The following SDR16C5 variants were observed in gnomAD, a reference collection of about 807,000 sequenced individuals.
SDR16C5 encodes the protein epidermal retinol dehydrogenase 2.
In SDR16C5, 20 loss-of-function variants were observed where a neutral mutation model predicts 27.7. That is an observed-to-expected ratio of 0.72 (90% CI 0.51 to 1.05). The LOEUF is 1.05. SDR16C5 is among the 50% of genes least tolerant of loss of function. The pLI, the probability that SDR16C5 is intolerant of heterozygous loss-of-function variation, is 0.00. For missense variants in SDR16C5, 374 were observed against 366.3 expected, an observed-to-expected ratio of 1.02 and a Z score of -0.17; for synonymous variants, 139 against 132.3, an observed-to-expected ratio of 1.05 and a Z score of -0.35.
chr8:56,318,087 C>G (rs1003742403), intron 1 of SDR16C5, among the ~76,000 whole-genome samples: 8 of 152,130 alleles, frequency 5.3e-5, no homozygotes, highest in African/African-American at 1.9e-4. Context: ...GAAAGTGACC[C>G]TTTGAGTGGA....
chr8:56,309,837 C>G (rs1814978490), intron 3 of SDR16C5, among the ~76,000 whole-genome samples: 1 of 152,094 alleles, frequency 6.6e-6, no homozygotes, highest in Non-Finnish European at 1.5e-5. Context: ...AGTTGGGACA[C>G]TTCTCAGTAG....
chr8:56,301,442 C>CA lies in SDR16C5; in HGVS notation c.*37dup. Reference sequence around the variant, plus strand: ...CTTCATTGAAGTACGCATTATGTAACACTGTGTATCAGATGACCTTAGCCA... The same window carrying CA: ...CTTCATTGAAGTACGCATTATGTAACAACTGTGTATCAGATGACCTTAGCCA... On this transcript the variant is annotated 3_prime_UTR_variant, in exon 7 of 7. Transcript: ENST00000303749. 1 of 1,390,814 alleles carries CA rather than the reference C, an allele frequency of 7.2e-7. No individual in the cohort carries two copies. 86.2% of individuals were successfully genotyped at this position (1,390,814 alleles called of 1,614,324 possible). A position where few individuals can be genotyped will look rare whatever the true frequency, so the allele number is the denominator to read the frequency against.
At chr8:56,302,550 G>A (rs1031881352) in intron 6 of SDR16C5, among the ~76,000 whole-genome samples, 1 of 151,694 alleles carries the variant, frequency 6.6e-6, no homozygotes, top group East Asian at 1.9e-4. Flanking sequence ...GTGCACGCCT[G>A]TAATCCTAGC....
intron 2 of SDR16C5, among the ~76,000 whole-genome samples, chr8:56,313,353 A>G (rs1051232986): frequency 7.9e-5 from 12 of 152,240 alleles, no homozygotes. Flanking sequence ...ACAGTCATAA[A>G]TCACTTAACA....
chr8:56,313,841 C>A (rs1388035071), intron 2 of SDR16C5, among the ~76,000 whole-genome samples: 1 of 152,138 alleles, frequency 6.6e-6, no homozygotes, highest in Non-Finnish European at 1.5e-5. Flanking sequence ...GGAGACTCAG[C>A]AGAGACAAAA....
At chr8:56,301,714 G>C (rs1437283290) in intron 6 of SDR16C5, 141 bp from the exon 7 acceptor site, 4 of 625,196 alleles carry the variant, frequency 6.4e-6, no homozygotes, top group South Asian at 5.9e-5. Context: ...AGTGCTACCC[G>C]CCTCAGGGTC....
intron 3 of SDR16C5, chr8:56,309,393 C>A (rs1814967619): frequency 3.0e-6 from 3 of 985,392 alleles, no homozygotes; most frequent in Non-Finnish European, 3.6e-6. Flanking sequence ...CTTCTCTCTG[C>A]TTAGCTTGAT....
rs1294718503 is a variant in SDR16C5, at chr8:56,316,308, A to T, written c.40T>A (p.Phe14Ile). 6 of 1,614,006 alleles carry T rather than the reference A, an allele frequency of 3.7e-6. No homozygotes were observed. The Admixed American group carries it at 5.0e-5, about 13-fold the overall frequency. ...NLQSSKKLFI[F>I]LGKSLFSLLE... ...AGACTAAACAGTGATTTTCCTAAGAAAATGAACAGTTTCTTTGATGATTGC... is the reference window on the plus strand; with the variant it reads ...AGACTAAACAGTGATTTTCCTAAGATAATGAACAGTTTCTTTGATGATTGC... Residue 14 changes from phenylalanine (F) to isoleucine (I), a missense_variant, in exon 2 of 7, where the codon TTC becomes ATC. Physicochemically the swap from Phe to Ile is conservative, Grantham distance 21 (BLOSUM62 0). Coordinates refer to ENST00000303749, the MANE Select transcript of SDR16C5 (RefSeq NM_138969.4).
chr8:56,314,584 C>A (rs1815140175), intron 2 of SDR16C5, among the ~76,000 whole-genome samples: 1 of 152,226 alleles, frequency 6.6e-6, no homozygotes, highest in Admixed American at 6.5e-5. Flanking sequence ...CAGTGCTTAA[C>A]TTCTAAGTAG....
intron 1 of SDR16C5, among the ~76,000 whole-genome samples, chr8:56,318,316 C>T (rs1815251879): frequency 6.6e-6 from 1 of 152,224 alleles, no homozygotes; most frequent in African/African-American, 2.4e-5. Flanking sequence ...GATCTTTGCT[C>T]TGATTTACAT....
chr8:56,311,283 C>T (rs1428085256), intron 3 of SDR16C5, among the ~76,000 whole-genome samples: 10 of 152,010 alleles, frequency 6.6e-5, no homozygotes, highest in African/African-American at 1.7e-4. Flanking sequence ...GGTGTGGTGG[C>T]GCGCACCTGT....
At position 56,301,714 on chromosome 8, in the gene SDR16C5, G is replaced by A. The variant is rs1437283290; in HGVS notation, c.837-141C>T. The A allele has an allele frequency of 1.1e-4, 68 of 625,194 alleles. No homozygotes were observed. The East Asian group carries it at 1.6e-3, about 15-fold the overall frequency. 38.7% of individuals were successfully genotyped at this position (625,194 alleles called of 1,614,324 possible). A position where few individuals can be genotyped will look rare whatever the true frequency, so the allele number is the denominator to read the frequency against. On this transcript the variant is annotated intron_variant, in intron 6 of 6. Coordinates refer to ENST00000303749, the MANE Select transcript of SDR16C5 (RefSeq NM_138969.4). ...ACACTATGCAGCCTGAGTGCTACCC[G>A]CCTCAGGGTCACTGGGCCTTGTTCA...
intron 5 of SDR16C5, 64 bp from the exon 6 acceptor site, chr8:56,305,786 T>C: frequency 2.0e-6 from 3 of 1,508,968 alleles, no homozygotes; most frequent in East Asian, 2.4e-5. Flanking sequence ...ATAAAGATAA[T>C]TTTTCAAATT....
At chr8:56,307,792 A>G (rs1585911049) in intron 4 of SDR16C5, among the ~76,000 whole-genome samples, 1 of 152,314 alleles carries the variant, frequency 6.6e-6, no homozygotes, top group South Asian at 2.1e-4. Context: ...TCTGCATGCT[A>G]AACTGGCACC....
chr8:56,313,886 T>A (rs1465596061), intron 2 of SDR16C5, among the ~76,000 whole-genome samples: 2 of 152,126 alleles, frequency 1.3e-5, no homozygotes, highest in Non-Finnish European at 2.9e-5. Context: ...TTCTCTTTGA[T>A]TGCTCGTCTA....
At chr8:56,311,856 C>T (rs1815052056) in intron 3 of SDR16C5, among the ~76,000 whole-genome samples, 2 of 152,140 alleles carry the variant, frequency 1.3e-5, no homozygotes, top group South Asian at 2.1e-4. Context: ...CTTATCTCAC[C>T]GAGCTGTTTT....
rs371105917 is a variant in SDR16C5 at position 56,302,385 on chromosome 8, T to C, written c.837-812A>G. 2.3e-4 allele frequency among the ~76,000 whole-genome samples: 35 copies of C among 152,248 alleles called. 1 individual carries two copies. The Middle Eastern group carries it at 0.01, about 44-fold the overall frequency. ...CACCAAACACCATTCTTAAAATTAA[T>C]TCTCACCGGCCGGGCGCAGTGGCTC... On this transcript the variant is annotated intron_variant, in intron 6 of 6. Coordinates refer to ENST00000303749, the MANE Select transcript of SDR16C5 (RefSeq NM_138969.4).
At chr8:56,318,369 C>T (rs1815252980) in intron 1 of SDR16C5, among the ~76,000 whole-genome samples, 2 of 152,204 alleles carry the variant, frequency 1.3e-5, no homozygotes, top group African/African-American at 4.8e-5. Context: ...CTCTCAGGCA[C>T]TGCAGAACTT....
intron 2 of SDR16C5, 139 bp from the exon 3 acceptor site, chr8:56,312,427 A>AG: frequency 1.4e-6 from 1 of 739,800 alleles, no homozygotes; most frequent in Non-Finnish European, 2.2e-6. Flanking sequence ...GCTTGGGGCC[A>AG]GGCGCAGTGG....
Sources: allele counts gnomAD v4.1 joint callset (sites outside exome capture counted in the v4.1 genomes callset), GRCh38; gene constraint gnomAD v4.1.1; transcripts MANE v1.5; gene names NCBI Gene and HGNC (gene_info 2026-07-23, HGNC 2026-07-21).